Variants in GRM5 observed in about 807,000 individuals in gnomAD.
GRM5 encodes the protein glutamate metabotropic receptor 5, also known as metabotropic glutamate receptor 5.
In GRM5, 19 loss-of-function variants were observed where a neutral mutation model predicts 83.1. The observed-to-expected ratio is 0.23, with a 90% CI of 0.16 to 0.34. The LOEUF (loss-of-function observed/expected upper bound fraction) is 0.34. Among genes scored for constraint, GRM5 ranks in the 10% least tolerant of loss-of-function variants. GRM5 has a pLI of 1.00. For missense variants in GRM5, 1,160 were observed against 1,588.3 expected (o/e 0.73, Z 4.58); for synonymous variants, 675 against 633.6 (o/e 1.07, Z -0.98).
At position 88,990,955 on chromosome 11, in the gene GRM5, GAC is replaced by G. The variant is rs1411860769; in HGVS notation, c.661+56255_661+56256del. On this transcript the variant is annotated intron_variant, in intron 2 of 9. Coordinates refer to ENST00000305447, the MANE Select transcript of GRM5 (RefSeq NM_001143831.3). ...GCATTCCCTTTGAAAACTGGCACAA[GAC>G]AGAGATGCCCTCTCTCACCACTCCT... is the stretch of plus-strand genomic sequence containing the variant. 4.0e-4 allele frequency among the ~76,000 whole-genome samples: 61 copies of G among 152,164 alleles called. 2 individuals are homozygous for G. Among genetic ancestry groups the G allele is most frequent in the African/African-American group, 1.2e-3 (51 of 41,414 alleles).
intron 3 of GRM5, among the ~76,000 whole-genome samples, chr11:88,784,819 C>T (rs1411627154): frequency 6.6e-6 from 1 of 151,918 alleles, no homozygotes; most frequent in African/African-American, 2.4e-5. Flanking sequence ...CAGGGCTGCC[C>T]GTCTTTGGGA....
intron 3 of GRM5, among the ~76,000 whole-genome samples, chr11:88,819,111 T>G (rs11021449): frequency 6.6e-6 from 1 of 151,986 alleles, no homozygotes; most frequent in East Asian, 1.9e-4. Flanking sequence ...CTAACAAGAA[T>G]GCTTCCAAAG....
intron 3 of GRM5, among the ~76,000 whole-genome samples, chr11:88,686,045 G>T (rs551307856): frequency 2.0e-5 from 3 of 152,056 alleles, no homozygotes; most frequent in Non-Finnish European, 4.4e-5. Flanking sequence ...TAGATCCACC[G>T]ACAGCTTGCA....
Position 88,668,293 on chromosome 11 carries a change from A to C in GRM5, c.912-14890T>G, listed in dbSNP as rs1454144958. On this transcript the variant is annotated intron_variant, in intron 3 of 9. Transcript: ENST00000305447. ...AAGTTTATTTAAAACATCCCCAGAA[A>C]CTCGCACACACACACACACACACAC... is the stretch of plus-strand genomic sequence containing the variant. Among the ~76,000 whole-genome samples, 3 of 104,664 alleles carry C rather than the reference A, an allele frequency of 2.9e-5. No individual in the cohort carries two copies. The Admixed American group carries it at 3.3e-4, about 12-fold the overall frequency. The allele number at this position is 104,664 out of a possible 152,430, so 68.7% of individuals were successfully genotyped here.
chr11:88,720,315 G>GTTTA (rs386374427), intron 3 of GRM5, among the ~76,000 whole-genome samples: 3 of 151,888 alleles, frequency 2.0e-5, no homozygotes, highest in Admixed American at 1.3e-4. Context: ...AGGGGAAAGT[G>GTTTA]TTTATACCTA....
intron 4 of GRM5, among the ~76,000 whole-genome samples, chr11:88,649,719 T>C (rs1212488283): frequency 6.6e-6 from 1 of 151,298 alleles, no homozygotes; most frequent in Non-Finnish European, 1.5e-5. Flanking sequence ...GAAAATATCT[T>C]TTAAAAATAA....
intron 8 of GRM5, among the ~76,000 whole-genome samples, chr11:88,545,991 C>A (rs1320585131): frequency 1.3e-5 from 2 of 152,028 alleles, no homozygotes; most frequent in African/African-American, 4.8e-5. Flanking sequence ...TCTCATTTTA[C>A]TTTAATCACA....
Position 88,547,961 on chromosome 11 carries a change from T to C in GRM5, c.2630+19092A>G, listed in dbSNP as rs561403273. 2.3e-4 allele frequency among the ~76,000 whole-genome samples: 35 copies of C among 152,316 alleles called. 1 individual carries two copies. The highest frequency in any genetic ancestry group is 2.0e-3 in the Admixed American group (31 of 15,286). ...CTCTATGCCTACCAACTAATGGAAA[T>C]ATTTGATCTACAAAATGCCTTGTGG... is the stretch of plus-strand genomic sequence containing the variant. On this transcript the variant is annotated intron_variant, in intron 8 of 9. Coordinates refer to ENST00000305447, the MANE Select transcript of GRM5 (RefSeq NM_001143831.3).
intron 3 of GRM5, among the ~76,000 whole-genome samples, chr11:88,752,022 G>A (rs1942283063): frequency 6.6e-6 from 1 of 152,070 alleles, no homozygotes; most frequent in South Asian, 2.1e-4. Context: ...GCTGGAAGCA[G>A]TTCCCTTTAA....
At chr11:88,948,893 CA>C (rs1422719055) in intron 2 of GRM5, among the ~76,000 whole-genome samples, 1 of 152,038 alleles carries the variant, frequency 6.6e-6, no homozygotes, top group Non-Finnish European at 1.5e-5. Flanking sequence ...TAAAGTAATA[CA>C]AGAGCAGAAA....
At position 88,645,332 on chromosome 11, in the gene GRM5, C is replaced by A. The variant is rs981254718; in HGVS notation, c.1147+7836G>T. Among the ~76,000 whole-genome samples the A allele has an allele frequency of 2.2e-4, 34 of 152,034 alleles. 1 individual carries two copies. The highest frequency in any genetic ancestry group is 8.2e-4 in the African/African-American group (34 of 41,394). ...TTAAAGTCAAAGTAAGAACAGAAAA[C>A]TGGAGCGATTAGAAACCATGAGAGT... On this transcript the variant is annotated intron_variant, in intron 4 of 9. Coordinates refer to ENST00000305447, the MANE Select transcript of GRM5 (RefSeq NM_001143831.3).
chr11:88,682,913 T>C (rs1940530677), intron 3 of GRM5, among the ~76,000 whole-genome samples: 2 of 152,102 alleles, frequency 1.3e-5, no homozygotes, highest in African/African-American at 4.8e-5. Context: ...CTCAATAGCT[T>C]ACTGGTGTTT....
intron 4 of GRM5, among the ~76,000 whole-genome samples, chr11:88,651,908 A>T (rs12792692): frequency 0.68 from 103,538 of 151,926 alleles, 41,179 homozygotes; most frequent in Non-Finnish European, 0.9. Flanking sequence ...AAAAGAACAA[A>T]CTGATACCAG....
chr11:88,657,798 C>A (rs186116847), intron 3 of GRM5, among the ~76,000 whole-genome samples: 1 of 152,196 alleles, frequency 6.6e-6, no homozygotes, highest in East Asian at 1.9e-4. Context: ...TATTAAATAT[C>A]TACCCATCTT....
At chr11:88,565,635 G>T (rs1056322738) in intron 8 of GRM5, among the ~76,000 whole-genome samples, 2 of 152,176 alleles carry the variant, frequency 1.3e-5, no homozygotes, top group Non-Finnish European at 2.9e-5. Context: ...TTCAGAAAAA[G>T]AATGGTTCAT....
chr11:88,863,700 G>A (rs976566964), intron 2 of GRM5, among the ~76,000 whole-genome samples: 64 of 138,974 alleles, frequency 4.6e-4, no homozygotes, highest in African/African-American at 1.6e-3. Flanking sequence ...AATTAGAATT[G>A]TCTGATATTT....
intron 3 of GRM5, among the ~76,000 whole-genome samples, chr11:88,695,646 C>G (rs1309138067): frequency 6.6e-6 from 1 of 152,128 alleles, no homozygotes; most frequent in African/African-American, 2.4e-5. Context: ...CTATACCTTC[C>G]AAATACAATG....
At chr11:88,611,250 A>C (rs1016153549) in intron 4 of GRM5, among the ~76,000 whole-genome samples, 3 of 151,974 alleles carry the variant, frequency 2.0e-5, no homozygotes, top group African/African-American at 7.2e-5. Flanking sequence ...AGGGAGGAGT[A>C]CCTTCTCCTT....
chr11:88,566,511 A>G (rs1033753829), intron 8 of GRM5, among the ~76,000 whole-genome samples: 6 of 152,116 alleles, frequency 3.9e-5, no homozygotes, highest in African/African-American at 1.4e-4. Context: ...TCTCCTAAAG[A>G]TTTCATCTTG....
Sources: allele counts gnomAD v4.1 joint callset (sites outside exome capture counted in the v4.1 genomes callset), GRCh38; gene constraint gnomAD v4.1.1; transcripts MANE v1.5; gene names NCBI Gene and HGNC (gene_info 2026-07-23, HGNC 2026-07-21).